Variants in SPIDR observed in about 807,000 individuals in gnomAD.
SPIDR encodes DNA repair-scaffolding protein.
SPIDR carries 93 observed loss-of-function variants against 104.6 expected under a neutral mutation model. That is an observed-to-expected ratio of 0.89 (90% CI 0.75 to 1.06). The LOEUF is 1.06. Ranked by LOEUF, SPIDR falls within the 50% of genes least tolerant of loss-of-function variation. SPIDR has a pLI of 0.00. For missense variants in SPIDR, 1,154 were observed against 1,111.2 expected (o/e 1.04, Z -0.55); for synonymous variants, 431 against 416.9 (o/e 1.03, Z -0.41).
intron 12 of SPIDR, among the ~76,000 whole-genome samples, chr8:47,701,267 T>C (rs1385158092): frequency 6.6e-6 from 1 of 152,208 alleles, no homozygotes; most frequent in Non-Finnish European, 1.5e-5. Context: ...ACCCCGTCTC[T>C]ACTAAAAATA....
chr8:47,685,476 G>A (rs1003158521), intron 11 of SPIDR, among the ~76,000 whole-genome samples: 2 of 102,160 alleles, frequency 2.0e-5, no homozygotes, highest in Non-Finnish European at 4.3e-5. Flanking sequence ...GAGGTCAGTG[G>A]TTTTATTTAT....
chr8:47,670,471 C>G (rs1001288462), intron 10 of SPIDR, among the ~76,000 whole-genome samples: 1 of 152,156 alleles, frequency 6.6e-6, no homozygotes, highest in African/African-American at 2.4e-5. Context: ...TATACCCAGC[C>G]AAACTGCCCA....
intron 5 of SPIDR, among the ~76,000 whole-genome samples, chr8:47,356,332 A>T (rs2054535225): frequency 6.6e-6 from 1 of 152,220 alleles, no homozygotes; most frequent in African/African-American, 2.4e-5. Flanking sequence ...AAGGGATCAG[A>T]GTCGCTGTCT....
chr8:47,647,645 A>AGAGAGAGAGAGAGG (rs2070722301), intron 10 of SPIDR, among the ~76,000 whole-genome samples: 1 of 146,334 alleles, frequency 6.8e-6, no homozygotes, highest in South Asian at 2.2e-4. Flanking sequence ...AGAGAGAGAG[A>AGAGAGAGAGAGAGG]GAGAGAGAGG....
chr8:47,443,292 G>C (rs187562984), intron 8 of SPIDR, among the ~76,000 whole-genome samples: 1 of 152,010 alleles, frequency 6.6e-6, no homozygotes, highest in Admixed American at 6.5e-5. Context: ...AGAAGAGGCC[G>C]GGCGCATTAG....
chr8:47,447,207 C>CTGTTT (rs758546264), intron 8 of SPIDR, among the ~76,000 whole-genome samples: 15 of 152,180 alleles, frequency 9.9e-5, no homozygotes, highest in South Asian at 2.1e-4. Flanking sequence ...AACTGTTTTT[C>CTGTTT]TGTTTTGTTT....
intron 8 of SPIDR, among the ~76,000 whole-genome samples, chr8:47,568,725 A>G (rs2058184136): frequency 6.6e-6 from 1 of 152,218 alleles, no homozygotes; most frequent in Non-Finnish European, 1.5e-5. Context: ...TTAAAGAAAT[A>G]ATGGAGCAAA....
chr8:47,269,432 A>G (rs2034802354), intron 1 of SPIDR, among the ~76,000 whole-genome samples: 1 of 151,482 alleles, frequency 6.6e-6, no homozygotes, highest in East Asian at 1.9e-4. Flanking sequence ...TAATTTTTGT[A>G]TTTTTAGTAG....
At chr8:47,329,697 A>G (rs2048331085) in intron 5 of SPIDR, among the ~76,000 whole-genome samples, 1 of 152,116 alleles carries the variant, frequency 6.6e-6, no homozygotes. Context: ...TGTTATAATT[A>G]TTAGTATAAT....
At chr8:47,444,735 A>G (rs575428587) in intron 8 of SPIDR, among the ~76,000 whole-genome samples, 4 of 152,262 alleles carry the variant, frequency 2.6e-5, no homozygotes, top group South Asian at 2.1e-4. Flanking sequence ...GAGCCTTTTG[A>G]TATATGATTT....
intron 10 of SPIDR, among the ~76,000 whole-genome samples, chr8:47,666,044 A>G (rs1359425848): frequency 6.6e-6 from 1 of 152,110 alleles, no homozygotes. Context: ...AAAATTCATC[A>G]CTTTTTAATT....
intron 5 of SPIDR, among the ~76,000 whole-genome samples, chr8:47,394,932 T>C (rs544535793): frequency 5.8e-4 from 89 of 152,334 alleles, no homozygotes; most frequent in African/African-American, 2.0e-3. Flanking sequence ...AACTAAGCTC[T>C]GCATTTATTT....
In SPIDR at chr8:47,407,907, T is replaced by G. The variant is rs373712077; in HGVS notation, c.823T>G (p.Ser275Ala). ...AAATGGACTGCAGAATCGAGAGAGA[T>G]CTGCTATTTCTTTGTGGAGACATCA... ...RLNGLQNRER[S>A]AISLWRHQCI... Residue 275 changes from serine (S) to alanine (A), a missense_variant, in exon 7 of 20, where the codon TCT (serine) becomes GCT (alanine). By Grantham distance (99) the Ser-to-Ala change is moderately conservative. Coordinates refer to ENST00000297423, the MANE Select transcript of SPIDR (RefSeq NM_001080394.4). 1 of 1,606,498 alleles carries G rather than the reference T, an allele frequency of 6.2e-7. No homozygotes were observed. Among genetic ancestry groups the G allele is most frequent in the African/African-American group, 1.3e-5 (1 of 74,804 alleles).
intron 5 of SPIDR, among the ~76,000 whole-genome samples, chr8:47,300,530 T>C (rs946764874): frequency 1.3e-5 from 2 of 152,232 alleles, no homozygotes; most frequent in Non-Finnish European, 2.9e-5. Flanking sequence ...GTTCTTTTAA[T>C]TGGGATGTTA....
chr8:47,471,734 AAAG>A (rs1437988674), intron 8 of SPIDR, among the ~76,000 whole-genome samples: 4 of 152,256 alleles, frequency 2.6e-5, no homozygotes, highest in Non-Finnish European at 5.9e-5. Flanking sequence ...ATGGATATAA[AAAG>A]AAGGGAGCAA....
At chr8:47,508,772 AC>A (rs887335211) in intron 8 of SPIDR, among the ~76,000 whole-genome samples, 1 of 152,012 alleles carries the variant, frequency 6.6e-6, no homozygotes, top group Non-Finnish European at 1.5e-5. Context: ...CGCAGCTTCC[AC>A]CCCACCATCA....
chr8:47,612,862 G>A (rs577268944), intron 10 of SPIDR, among the ~76,000 whole-genome samples: 5 of 152,202 alleles, frequency 3.3e-5, no homozygotes, highest in Non-Finnish European at 7.3e-5. Context: ...CTACCTGGAA[G>A]CTTCCATAAG....
At chr8:47,277,230 G>A (rs2154219115) in intron 1 of SPIDR, among the ~76,000 whole-genome samples, 1 of 151,956 alleles carries the variant, frequency 6.6e-6, no homozygotes, top group South Asian at 2.1e-4. Flanking sequence ...GCCTGGCCCT[G>A]TTTTAGTTTT....
intron 7 of SPIDR, among the ~76,000 whole-genome samples, chr8:47,437,953 G>A (rs1386058726): frequency 2.6e-5 from 4 of 152,186 alleles, no homozygotes; most frequent in South Asian, 2.1e-4. Flanking sequence ...CTGTAGTCAG[G>A]CAGTATGATG....
Sources: allele counts gnomAD v4.1 joint callset (sites outside exome capture counted in the v4.1 genomes callset), GRCh38; gene constraint gnomAD v4.1.1; transcripts MANE v1.5; gene names NCBI Gene and HGNC (gene_info 2026-07-23, HGNC 2026-07-21).